ZCCHC7: variants seen among roughly 807,000 people sequenced by gnomAD.
The protein encoded by ZCCHC7 is zinc finger CCHC domain-containing protein 7.
A neutral mutation model predicts 52.0 loss-of-function variants in ZCCHC7; 35 were observed. The observed-to-expected ratio is 0.67, with a 90% CI of 0.51 to 0.89. The LOEUF (loss-of-function observed/expected upper bound fraction) is 0.89, where lower values mean the gene tolerates loss of function less well. Among genes scored for constraint, ZCCHC7 ranks in the 40% least tolerant of loss-of-function variants. The pLI is 0.00. For synonymous variants in ZCCHC7, 217 were observed against 221.5 expected (o/e 0.98, Z 0.18); for missense variants, 574 against 649.1 (o/e 0.88, Z 1.26).
intron 5 of ZCCHC7, among the ~76,000 whole-genome samples, chr9:37,309,451 A>G (rs1344013447): frequency 1.3e-5 from 2 of 152,138 alleles, no homozygotes; most frequent in African/African-American, 4.8e-5. Flanking sequence ...CTCACATGCC[A>G]TGGCTGCTTT....
At chr9:37,238,990 T>C (rs1465468762) in intron 2 of ZCCHC7, among the ~76,000 whole-genome samples, 1 of 152,138 alleles carries the variant, frequency 6.6e-6, no homozygotes, top group Non-Finnish European at 1.5e-5. Context: ...TAGGACTCTA[T>C]ATAGTTGTGG....
chr9:37,302,274 T>A (rs1395746943), intron 3 of ZCCHC7, 43 bp downstream of exon 3: 1 of 1,481,808 alleles, frequency 6.7e-7, no homozygotes, highest in Non-Finnish European at 9.4e-7. Flanking sequence ...ATAATTTCCT[T>A]TGCTTCATAG....
At chr9:37,321,689 C>T (rs1378940649) in intron 5 of ZCCHC7, among the ~76,000 whole-genome samples, 1 of 152,054 alleles carries the variant, frequency 6.6e-6, no homozygotes, top group Non-Finnish European at 1.5e-5. Context: ...CTGCTTGAGC[C>T]CAGGAGATCA....
At chr9:37,152,842 T>C (rs988534865) in intron 2 of ZCCHC7, among the ~76,000 whole-genome samples, 2 of 152,222 alleles carry the variant, frequency 1.3e-5, no homozygotes, top group African/African-American at 2.4e-5. Flanking sequence ...AGGAAGTCAC[T>C]ATACACAGCC....
At chr9:37,318,663 A>C (rs1196688005) in intron 5 of ZCCHC7, among the ~76,000 whole-genome samples, 2 of 152,068 alleles carry the variant, frequency 1.3e-5, no homozygotes, top group East Asian at 3.8e-4. Context: ...CTGTAATCCC[A>C]GCACTTTGGG....
At chr9:37,205,968 T>C (rs933695369) in intron 2 of ZCCHC7, among the ~76,000 whole-genome samples, 3 of 152,102 alleles carry the variant, frequency 2.0e-5, no homozygotes, top group African/African-American at 7.2e-5. Flanking sequence ...GATATTTTGG[T>C]GAATTGACCC....
chr9:37,123,499 T>C (rs1212563872), intron 1 of ZCCHC7, among the ~76,000 whole-genome samples: 2 of 152,232 alleles, frequency 1.3e-5, no homozygotes, highest in Non-Finnish European at 2.9e-5. Context: ...ATAAATCCTT[T>C]GACCCAAGGA....
chr9:37,264,640 ATTATT>A (rs1827017695), intron 2 of ZCCHC7, among the ~76,000 whole-genome samples: 1 of 152,178 alleles, frequency 6.6e-6, no homozygotes, highest in Admixed American at 6.5e-5. Flanking sequence ...CATTTAATAT[ATTATT>A]TTATTTTACG....
intron 2 of ZCCHC7, among the ~76,000 whole-genome samples, chr9:37,238,845 A>G (rs569626226): frequency 9.2e-5 from 14 of 152,322 alleles, no homozygotes; most frequent in African/African-American, 3.1e-4. Flanking sequence ...GCAAAGTTGT[A>G]GTAGGGAAAA....
chr9:37,220,325 G>C (rs551031905), intron 2 of ZCCHC7, among the ~76,000 whole-genome samples: 4 of 152,116 alleles, frequency 2.6e-5, no homozygotes, highest in Non-Finnish European at 5.9e-5. Context: ...CAGATTACTT[G>C]AGGTCAGGAG....
rs1827109486 is a variant in ZCCHC7 at position 37,266,390 on chromosome 9, G to A, written c.611-35798G>A. Reference sequence around the variant, plus strand: ...AATTTATTTGTTTTTTTAAATTTAGGGATGTGTAAAGAGCTATAAAGTTCT... The same window carrying A: ...AATTTATTTGTTTTTTTAAATTTAGAGATGTGTAAAGAGCTATAAAGTTCT... On this transcript the variant is annotated intron_variant, in intron 2 of 8. Transcript: ENST00000336755. Among the ~76,000 whole-genome samples the A allele has an allele frequency of 7.9e-5, 12 of 152,120 alleles. No homozygotes were observed. The South Asian group carries it at 2.3e-3, about 29-fold the overall frequency.
At chr9:37,141,962 T>TAG (rs1388175671) in intron 2 of ZCCHC7, among the ~76,000 whole-genome samples, 1 of 151,852 alleles carries the variant, frequency 6.6e-6, no homozygotes. Context: ...AAGTCAAAAG[T>TAG]AGAGGTCTCT....
At chr9:37,309,834 A>G (rs1829509496) in intron 5 of ZCCHC7, among the ~76,000 whole-genome samples, 1 of 151,652 alleles carries the variant, frequency 6.6e-6, no homozygotes, top group Admixed American at 6.6e-5. Context: ...AGGCATGAGA[A>G]TTGCTAGAAC....
intron 2 of ZCCHC7, among the ~76,000 whole-genome samples, chr9:37,139,602 TTTA>T (rs1843136764): frequency 6.6e-6 from 1 of 151,968 alleles, no homozygotes; most frequent in Non-Finnish European, 1.5e-5. Flanking sequence ...TGAAAATTAG[TTTA>T]TTGTGGACTT....
chr9:37,279,920 C>T (rs1017561475), intron 2 of ZCCHC7, among the ~76,000 whole-genome samples: 2 of 151,934 alleles, frequency 1.3e-5, no homozygotes, highest in South Asian at 2.1e-4. Flanking sequence ...TTTGGGAGGC[C>T]GAGGCGGGCG....
intron 2 of ZCCHC7, among the ~76,000 whole-genome samples, chr9:37,294,302 A>G (rs1181189250): frequency 6.6e-6 from 1 of 152,154 alleles, no homozygotes; most frequent in Non-Finnish European, 1.5e-5. Context: ...TGGCTGTTTC[A>G]GTTGCTTATT....
chr9:37,309,096 T>C (rs1829474669), intron 5 of ZCCHC7, among the ~76,000 whole-genome samples: 1 of 151,990 alleles, frequency 6.6e-6, no homozygotes, highest in South Asian at 2.1e-4. Flanking sequence ...TTTCCCCAAA[T>C]CTACCAGTAT....
At chr9:37,186,426 CATT>C (rs758553175) in intron 2 of ZCCHC7, among the ~76,000 whole-genome samples, 2 of 152,134 alleles carry the variant, frequency 1.3e-5, no homozygotes, top group Non-Finnish European at 2.9e-5. Flanking sequence ...AAGATTCTCA[CATT>C]CAGTGTAAAG....
chr9:37,325,160 A>G (rs1489606842), intron 5 of ZCCHC7, among the ~76,000 whole-genome samples: 1 of 152,230 alleles, frequency 6.6e-6, no homozygotes. Flanking sequence ...ACAAAATACA[A>G]TAGACGGGAA....
Sources: allele counts gnomAD v4.1 joint callset (sites outside exome capture counted in the v4.1 genomes callset), GRCh38; gene constraint gnomAD v4.1.1; transcripts MANE v1.5; gene names NCBI Gene and HGNC (gene_info 2026-07-23, HGNC 2026-07-21).